CAPN2: variants seen among roughly 807,000 people sequenced by gnomAD.
The protein encoded by CAPN2 is calpain-2 catalytic subunit.
In CAPN2, 92 loss-of-function variants were observed where a neutral mutation model predicts 102.3. The ratio of observed to expected loss-of-function variants is 0.90; its 90% CI spans 0.76 to 1.07. The LOEUF (loss-of-function observed/expected upper bound fraction) is 1.07, where lower values mean the gene tolerates loss of function less well. Among genes scored for constraint, CAPN2 ranks in the 50% least tolerant of loss-of-function variants. The pLI is 0.00. For missense variants in CAPN2, 800 were observed against 909.4 expected, an observed-to-expected ratio of 0.88 and a Z score of 1.55; for synonymous variants, 340 against 355.4, an observed-to-expected ratio of 0.96 and a Z score of 0.49.
At chr1:223,735,225 G>A (rs1342329426) in intron 2 of CAPN2, among the ~76,000 whole-genome samples, 1 of 152,138 alleles carries the variant, frequency 6.6e-6, no homozygotes, top group African/African-American at 2.4e-5. Context: ...GGCCAGATCA[G>A]GACCAAAATC....
intron 2 of CAPN2, among the ~76,000 whole-genome samples, chr1:223,739,254 G>T (rs1327366423): frequency 6.6e-6 from 1 of 151,316 alleles, no homozygotes; most frequent in Non-Finnish European, 1.5e-5. Flanking sequence ...TGCAATCTGG[G>T]CTCACTGCAA....
intron 2 of CAPN2, among the ~76,000 whole-genome samples, chr1:223,722,876 T>C (rs1416720036): frequency 6.6e-6 from 1 of 152,124 alleles, no homozygotes; most frequent in Non-Finnish European, 1.5e-5. Context: ...CGGGATCCCA[T>C]CCAGGACCCC....
At chr1:223,737,809 C>A (rs556685225) in intron 2 of CAPN2, among the ~76,000 whole-genome samples, 9 of 150,124 alleles carry the variant, frequency 6.0e-5, no homozygotes, top group Non-Finnish European at 1.0e-4. Context: ...GTGTCAAAAC[C>A]GGGAGAGGGG....
intron 2 of CAPN2, among the ~76,000 whole-genome samples, chr1:223,724,206 C>T (rs745425024): frequency 1.3e-5 from 2 of 152,218 alleles, no homozygotes; most frequent in Non-Finnish European, 2.9e-5. Context: ...GGAATTATAT[C>T]TCCACCTTGT....
In CAPN2 at chr1:223,759,384, C is replaced by G; in HGVS notation, c.1432C>G (p.Pro478Ala). 2 of 1,614,218 alleles carry G rather than the reference C, an allele frequency of 1.2e-6. No homozygotes were observed. Among genetic ancestry groups the G allele is most frequent in the Non-Finnish European group, 1.7e-6 (2 of 1,180,042 alleles). The change falls in exon 12 of 21, where the codon CCG (proline) becomes GCG (alanine). Residue 478 changes from proline to alanine, a missense_variant. By Grantham distance (27) the Pro-to-Ala change is conservative. Transcript: ENST00000295006. This position sits in a 1 kb window ranked among gnomAD's most constrained non-coding sequence, Gnocchi z 4.6. ...LREVLNRFKL[P>A]PGEYILVPST... ...GGAGGTGCTCAACCGCTTCAAGCTG[C>G]CGCCAGGAGAGTACATTCTCGTGCC...
chr1:223,711,008 A>C (rs1467141548), upstream of CAPN2, among the ~76,000 whole-genome samples: 1 of 152,164 alleles, frequency 6.6e-6, no homozygotes, highest in Non-Finnish European at 1.5e-5. Context: ...GGCAAAAGAA[A>C]CTTTCTAAAT....
At chr1:223,746,131 C>T (rs1323021677) in intron 4 of CAPN2, among the ~76,000 whole-genome samples, 1 of 152,142 alleles carries the variant, frequency 6.6e-6, no homozygotes, top group Non-Finnish European at 1.5e-5. Context: ...TTTAGAGCAG[C>T]AAGTGGATTT....
At chr1:223,705,648 C>T (rs1659586515) in intron 1 of CAPN2, among the ~76,000 whole-genome samples, 1 of 152,284 alleles carries the variant, frequency 6.6e-6, no homozygotes, top group Non-Finnish European at 1.5e-5. Flanking sequence ...ACTCCTCTCC[C>T]AGCACCCTGT....
chr1:223,772,056 T>G (rs1472089357), intron 19 of CAPN2, 125 bp from the exon 20 acceptor site: 1 of 1,118,838 alleles, frequency 8.9e-7, no homozygotes, highest in Non-Finnish European at 1.4e-6. Flanking sequence ...CCCTCTTTAC[T>G]AATTTGAGGG....
chr1:223,736,376 A>G (rs962178101), intron 2 of CAPN2, among the ~76,000 whole-genome samples: 10 of 152,218 alleles, frequency 6.6e-5, no homozygotes, highest in African/African-American at 2.4e-4. Context: ...AGAGACAAAA[A>G]GATGTGTGGG....
chr1:223,773,647 T>A (rs1661540500), intron 20 of CAPN2, among the ~76,000 whole-genome samples: 1 of 151,758 alleles, frequency 6.6e-6, no homozygotes, highest in Non-Finnish European at 1.5e-5. Context: ...CGAGCTGAGA[T>A]TGCACCATTG....
In CAPN2 at chr1:223,731,237, G is replaced by C. The variant is rs1287242152; in HGVS notation, c.308-12863G>C. On this transcript the variant is annotated intron_variant, in intron 2 of 20. Coordinates refer to ENST00000295006, the MANE Select transcript of CAPN2 (RefSeq NM_001748.5). This position sits in a 1 kb window ranked among gnomAD's most constrained non-coding sequence, Gnocchi z 4.2. ...ATGCTTGGAGGGTCTGGTGCAGAAGGGGAAAGGAAGAGAAGGAAGTTTGGC... is the reference window on the plus strand; with the variant it reads ...ATGCTTGGAGGGTCTGGTGCAGAAGCGGAAAGGAAGAGAAGGAAGTTTGGC... Among the ~76,000 whole-genome samples, 2 of 152,136 alleles carry C rather than the reference G, an allele frequency of 1.3e-5. No individual in the cohort carries two copies. Among genetic ancestry groups the C allele is most frequent in the Non-Finnish European group, 2.9e-5 (2 of 68,020 alleles).
upstream of CAPN2, among the ~76,000 whole-genome samples, chr1:223,710,361 A>T (rs1659702772): frequency 6.6e-6 from 1 of 152,152 alleles, no homozygotes; most frequent in African/African-American, 2.4e-5. Flanking sequence ...GATGCTCTAA[A>T]CCAGGGTTTC....
chr1:223,703,434 C>T (rs1558375422), intron 1 of CAPN2, among the ~76,000 whole-genome samples: 1 of 152,142 alleles, frequency 6.6e-6, no homozygotes, highest in Non-Finnish European at 1.5e-5. Context: ...TTGCAAAGCA[C>T]CTGAGATGAG....
rs1441204326 is a variant in CAPN2 at position 223,755,255 on chromosome 1, C to T, written c.1136-225C>T. 6.6e-6 allele frequency among the ~76,000 whole-genome samples: 1 copy of T among 151,924 alleles called. No individual in the cohort carries two copies. The highest frequency in any genetic ancestry group is 1.5e-5 in the Non-Finnish European group (1 of 67,990). On this transcript the variant is annotated intron_variant, in intron 9 of 20. Transcript: ENST00000295006. This position sits in a 1 kb window ranked among gnomAD's most constrained non-coding sequence, Gnocchi z 4.1. Reference sequence around the variant, plus strand: ...CCCACCGCCTCTTGCCAACTCCCACCATCTCCCGCCATTTTCTGACATCTC... The same window carrying T: ...CCCACCGCCTCTTGCCAACTCCCACTATCTCCCGCCATTTTCTGACATCTC...
chr1:223,731,706 T>C lies in CAPN2; in HGVS notation c.308-12394T>C, dbSNP rs78688591. ...GGGGAAAGAGACATGTCCTCCAGAG[T>C]TGACTTACGCGAGGACAGAGGTGTG... On this transcript the variant is annotated intron_variant, in intron 2 of 20. Coordinates refer to ENST00000295006, the MANE Select transcript of CAPN2 (RefSeq NM_001748.5). This position sits in a 1 kb window ranked among gnomAD's most constrained non-coding sequence, Gnocchi z 4.2. 3.3e-3 allele frequency among the ~76,000 whole-genome samples: 502 copies of C among 152,086 alleles called. 15 individuals are homozygous for C. The East Asian group carries it at 0.081, about 25-fold the overall frequency.
Position 223,747,191 on chromosome 1 carries a change from C to G in CAPN2, c.729+26C>G, listed in dbSNP as rs774746796. ...GTAAGTCCAGGCTGCCTTCCCTAGC[C>G]TCACCCCATCTGCTCTTGCTGAAGG... On this transcript the variant is annotated intron_variant, in intron 5 of 20. Transcript: ENST00000295006. 5 of 1,584,354 alleles carry G rather than the reference C, an allele frequency of 3.2e-6. 1 individual carries two copies. The South Asian group carries it at 4.6e-5, about 15-fold the overall frequency.
chr1:223,721,608 T>A (rs1660052898), intron 2 of CAPN2, among the ~76,000 whole-genome samples: 1 of 152,120 alleles, frequency 6.6e-6, no homozygotes, highest in Admixed American at 6.5e-5. Context: ...CCTGCCTCCT[T>A]CTCAAGATGT....
intron 17 of CAPN2, 83 bp downstream of exon 17, chr1:223,769,992 G>C: frequency 1.9e-6 from 2 of 1,066,840 alleles, no homozygotes; most frequent in South Asian, 2.7e-5. Flanking sequence ...CCTGCACAGA[G>C]TGGAGAAACA....
Sources: allele counts gnomAD v4.1 joint callset (sites outside exome capture counted in the v4.1 genomes callset), GRCh38; gene constraint gnomAD v4.1.1; non-coding constraint Gnocchi (gnomAD v3.1); transcripts MANE v1.5; gene names NCBI Gene and HGNC (gene_info 2026-07-23, HGNC 2026-07-21).